The following ZNF804B variants were observed in gnomAD, a reference collection of about 807,000 sequenced individuals.
ZNF804B encodes zinc finger 804B.
A neutral mutation model predicts 101.4 loss-of-function variants in ZNF804B; 80 were observed. The ratio of observed to expected loss-of-function variants is 0.79; its 90% confidence interval spans 0.66 to 0.95. The LOEUF is 0.95. Among genes scored for constraint, ZNF804B ranks in the 40% least tolerant of loss-of-function variants. The pLI is 0.00. For missense variants in ZNF804B, 1,673 were observed against 1,561.9 expected, an observed-to-expected ratio of 1.07 and a Z score of -1.20; for synonymous variants, 622 against 558.8, an observed-to-expected ratio of 1.11 and a Z score of -1.59.
intron 1 of ZNF804B, among the ~76,000 whole-genome samples, chr7:89,014,552 G>A (rs1471775217): frequency 6.6e-6 from 1 of 152,154 alleles, no homozygotes; most frequent in African/African-American, 2.4e-5. Flanking sequence ...TCCTGACCTT[G>A]TGATCCACCC....
chr7:89,154,138 A>C (rs1790919553), intron 1 of ZNF804B, among the ~76,000 whole-genome samples: 1 of 152,204 alleles, frequency 6.6e-6, no homozygotes, highest in Non-Finnish European at 1.5e-5. Context: ...AAATGTGCTC[A>C]ACATCATTGA....
chr7:89,046,421 G>A (rs1789107553), intron 1 of ZNF804B, among the ~76,000 whole-genome samples: 2 of 152,194 alleles, frequency 1.3e-5, no homozygotes, highest in South Asian at 2.1e-4. Context: ...TATTCTTTCT[G>A]TATTTCAAAA....
intron 1 of ZNF804B, among the ~76,000 whole-genome samples, chr7:89,079,162 A>G (rs1188780152): frequency 6.6e-6 from 1 of 152,088 alleles, no homozygotes; most frequent in Non-Finnish European, 1.5e-5. Flanking sequence ...ATATAGAGGC[A>G]CCATTTGTGA....
intron 1 of ZNF804B, among the ~76,000 whole-genome samples, chr7:88,980,264 C>G (rs928481798): frequency 6.6e-6 from 1 of 151,940 alleles, no homozygotes; most frequent in Non-Finnish European, 1.5e-5. Flanking sequence ...AATTCTCTGT[C>G]TGAAAGGTCA....
chr7:89,141,449 T>C (rs1790714379), intron 1 of ZNF804B, among the ~76,000 whole-genome samples: 2 of 152,070 alleles, frequency 1.3e-5, no homozygotes, highest in South Asian at 4.1e-4. Flanking sequence ...CCATTTTTTA[T>C]TGATATATTC....
intron 1 of ZNF804B, among the ~76,000 whole-genome samples, chr7:88,854,439 C>CTTTCTTTA (rs1554340178): frequency 8.0e-6 from 1 of 125,604 alleles, no homozygotes; most frequent in African/African-American, 3.1e-5. Flanking sequence ...TTCTTTCTTT[C>CTTTCTTTA]TTTCTTTCTT....
At chr7:89,206,247 A>T (rs1001604424) in intron 1 of ZNF804B, among the ~76,000 whole-genome samples, 2 of 151,436 alleles carry the variant, frequency 1.3e-5, no homozygotes, top group Non-Finnish European at 2.9e-5. Flanking sequence ...GGTATCTGAC[A>T]TGCCCTGGAG....
intron 1 of ZNF804B, among the ~76,000 whole-genome samples, chr7:88,858,247 T>C (rs1268802415): frequency 6.6e-6 from 1 of 152,218 alleles, no homozygotes; most frequent in Non-Finnish European, 1.5e-5. Context: ...TTGCTGGGTA[T>C]TACTTTCCTA....
intron 1 of ZNF804B, among the ~76,000 whole-genome samples, chr7:88,912,702 A>G (rs1443269080): frequency 6.6e-6 from 1 of 152,160 alleles, no homozygotes; most frequent in African/African-American, 2.4e-5. Context: ...TCAAATTTTC[A>G]CATAATAGCC....
At chr7:88,999,660 T>C (rs1788255778) in intron 1 of ZNF804B, among the ~76,000 whole-genome samples, 1 of 152,020 alleles carries the variant, frequency 6.6e-6, no homozygotes, top group Non-Finnish European at 1.5e-5. Context: ...TAAAATAGCA[T>C]TTTATGGAGA....
chr7:88,854,302 G>A, intron 1 of ZNF804B, among the ~76,000 whole-genome samples: 1 of 152,140 alleles, frequency 6.6e-6, no homozygotes. Flanking sequence ...CACACACACA[G>A]AAAATAAGGG....
At chr7:88,886,072 CATAAG>C (rs1562822759) in intron 1 of ZNF804B, among the ~76,000 whole-genome samples, 2 of 151,948 alleles carry the variant, frequency 1.3e-5, no homozygotes, top group South Asian at 4.1e-4. Context: ...TACATTTCAC[CATAAG>C]ATATGAACAT....
In ZNF804B at chr7:89,106,488, G is replaced by T. The variant is rs139296317; in HGVS notation, c.109-111667G>T. 2.0e-3 allele frequency among the ~76,000 whole-genome samples: 304 copies of T among 152,222 alleles called. 2 individuals carry two copies. The highest frequency in any genetic ancestry group is 7.0e-3 in the African/African-American group (289 of 41,546). On this transcript the variant is annotated intron_variant, in intron 1 of 3. Coordinates refer to ENST00000333190, the MANE Select transcript of ZNF804B (RefSeq NM_181646.5). ...GAAACTAGCCCGAGATTGATGGCTT[G>T]TGTAGAGAGAAATTGGAGAGTTAGA...
At chr7:88,933,325 C>G (rs1429855044) in intron 1 of ZNF804B, among the ~76,000 whole-genome samples, 1 of 151,544 alleles carries the variant, frequency 6.6e-6, no homozygotes, top group African/African-American at 2.4e-5. Context: ...TATGACAAAC[C>G]AACATCATAT....
At chr7:88,824,911 T>C (rs1791032159) in intron 1 of ZNF804B, among the ~76,000 whole-genome samples, 1 of 152,210 alleles carries the variant, frequency 6.6e-6, no homozygotes, top group South Asian at 2.1e-4. Flanking sequence ...GCTAATGGGT[T>C]ATAAAAGTTC....
At chr7:89,067,623 G>A (rs1789472939) in intron 1 of ZNF804B, among the ~76,000 whole-genome samples, 1 of 152,054 alleles carries the variant, frequency 6.6e-6, no homozygotes, top group Non-Finnish European at 1.5e-5. Context: ...GACTTCTGTT[G>A]TCTTGGAATT....
intron 1 of ZNF804B, among the ~76,000 whole-genome samples, chr7:89,056,391 T>C (rs978071082): frequency 6.6e-6 from 1 of 152,072 alleles, no homozygotes; most frequent in Non-Finnish European, 1.5e-5. Flanking sequence ...TATGTATGTT[T>C]AGAAGTAAAA....
At chr7:88,859,031 A>C (rs1791611797) in intron 1 of ZNF804B, among the ~76,000 whole-genome samples, 1 of 152,068 alleles carries the variant, frequency 6.6e-6, no homozygotes. Context: ...AACGCATTAA[A>C]TATTAATATT....
intron 1 of ZNF804B, among the ~76,000 whole-genome samples, chr7:88,812,499 A>C (rs1790805372): frequency 6.6e-6 from 1 of 152,198 alleles, no homozygotes; most frequent in Non-Finnish European, 1.5e-5. Flanking sequence ...TGAGTCAACA[A>C]TCCCACTTCT....
Sources: gnomAD v4.1 joint callset for allele counts (sites outside exome capture counted in the v4.1 genomes callset) on GRCh38, gnomAD v4.1.1 for gene constraint, MANE v1.5 for transcripts, NCBI Gene and HGNC (gene_info 2026-07-23, HGNC 2026-07-21) for gene names.